Variants in ARHGAP6 observed in about 807,000 individuals in gnomAD.
ARHGAP6 encodes rho GTPase-activating protein 6.
Under a neutral mutation model 55.7 loss-of-function variants are expected in ARHGAP6, and 16 were observed. The ratio of observed to expected loss-of-function variants is 0.29; its 90% CI spans 0.19 to 0.44. The LOEUF is 0.44. Ranked by LOEUF, ARHGAP6 falls within the 20% of genes least tolerant of loss-of-function variation. The pLI, the probability that ARHGAP6 is intolerant of heterozygous loss-of-function variation, is 1.00. For missense variants in ARHGAP6, 698 were observed against 808.9 expected (o/e 0.86, Z 1.66); for synonymous variants, 382 against 360.9 (o/e 1.06, Z -0.66).
At chrX:11,498,842 C>T (rs2050649120) in intron 1 of ARHGAP6, among the ~76,000 whole-genome samples, 1 of 112,145 alleles carries the variant, frequency 8.9e-6, no homozygotes, top group African/African-American at 3.2e-5. Context: ...CCTCAATAAT[C>T]CTGTCCATGT....
intron 1 of ARHGAP6, among the ~76,000 whole-genome samples, chrX:11,496,349 T>A (rs1452577336): frequency 1.8e-5 from 2 of 112,365 alleles, no homozygotes; most frequent in Admixed American, 1.9e-4. Flanking sequence ...GTATATCCTA[T>A]CTTTTTGTGC....
chrX:11,621,137 A>G (rs1257560584), intron 1 of ARHGAP6, among the ~76,000 whole-genome samples: 1 of 111,630 alleles, frequency 9.0e-6, no homozygotes, highest in East Asian at 2.8e-4. Context: ...ATACAGAGAG[A>G]GAAAGTGGGT....
At chrX:11,566,433 C>T (rs1040629798) in intron 1 of ARHGAP6, among the ~76,000 whole-genome samples, 4 of 112,224 alleles carry the variant, frequency 3.6e-5, no homozygotes, top group African/African-American at 6.5e-5. Flanking sequence ...TGCTAATACA[C>T]ACTCTGCTTC....
At chrX:11,280,316 G>C (rs1569284115) in intron 1 of ARHGAP6, among the ~76,000 whole-genome samples, 1 of 111,265 alleles carries the variant, frequency 9.0e-6, no homozygotes. Flanking sequence ...GAGTCCATTT[G>C]GTGTATATTA....
At chrX:11,225,484 G>C (rs1243896144) in intron 2 of ARHGAP6, among the ~76,000 whole-genome samples, 1 of 110,483 alleles carries the variant, frequency 9.1e-6, no homozygotes, top group Non-Finnish European at 1.9e-5. Context: ...TGACTGATGA[G>C]AAAGATTATG....
intron 1 of ARHGAP6, among the ~76,000 whole-genome samples, chrX:11,541,851 T>A (rs1345817960): frequency 2.7e-5 from 3 of 112,533 alleles, no homozygotes; most frequent in Non-Finnish European, 5.6e-5. Flanking sequence ...GAGGATAACA[T>A]TGATTAATAT....
intron 1 of ARHGAP6, among the ~76,000 whole-genome samples, chrX:11,277,112 A>T (rs1461866505): frequency 9.0e-6 from 1 of 111,648 alleles, no homozygotes; most frequent in Non-Finnish European, 1.9e-5. Context: ...GACATTTAAT[A>T]TAAAAGTAGA....
chrX:11,153,197 T>C (rs1207718346), intron 10 of ARHGAP6, among the ~76,000 whole-genome samples: 1 of 111,532 alleles, frequency 9.0e-6, no homozygotes, highest in Non-Finnish European at 1.9e-5. Context: ...AGAAAGAGCA[T>C]TTTAACAAGA....
At chrX:11,274,202 A>G (rs1014869940) in intron 1 of ARHGAP6, among the ~76,000 whole-genome samples, 2 of 112,111 alleles carry the variant, frequency 1.8e-5, no homozygotes, top group Non-Finnish European at 3.8e-5. Flanking sequence ...CAAATATTCT[A>G]AAGTTTGTAA....
In ARHGAP6 at chrX:11,212,467, G is replaced by C. The variant is rs1167764986; in HGVS notation, c.749-15471C>G. Among the ~76,000 whole-genome samples, 3 of 112,432 alleles carry C rather than the reference G, an allele frequency of 2.7e-5. No homozygotes were observed. The East Asian group carries it at 8.4e-4, about 32-fold the overall frequency. ...CAGAGATTTTGTGAGGCAGTTGACG[G>C]TGATGTTATTCAGAAGTCCTTTTCT... is the stretch of plus-strand genomic sequence containing the variant. On this transcript the variant is annotated intron_variant, in intron 2 of 12. Transcript: ENST00000337414.
chrX:11,376,825 G>C (rs2049206524), intron 1 of ARHGAP6, among the ~76,000 whole-genome samples: 1 of 111,175 alleles, frequency 9.0e-6, no homozygotes, highest in Admixed American at 9.5e-5. Flanking sequence ...TATAAGCAAA[G>C]ACCATCAATT....
chrX:11,254,715 C>T lies in ARHGAP6; in HGVS notation c.589-8G>A. The T allele has an allele frequency of 1.1e-6, 1 of 918,894 alleles. No homozygotes were observed. Among genetic ancestry groups the T allele is most frequent in the Non-Finnish European group, 1.4e-6 (1 of 726,763 alleles). The allele number at this position is 918,894 out of a possible 1,213,427, so 75.7% of individuals were successfully genotyped here. ...GTTCCAGGTGAAATCACCCTGTAGGCCAAAAAAAAAAAAAAAAAAAAAATC... is the reference window on the plus strand; with the variant it reads ...GTTCCAGGTGAAATCACCCTGTAGGTCAAAAAAAAAAAAAAAAAAAAAATC... On this transcript the variant is annotated splice_region_variant and splice_polypyrimidine_tract_variant and intron_variant, in intron 1 of 12. Coordinates refer to ENST00000337414, the MANE Select transcript of ARHGAP6 (RefSeq NM_013427.3).
chrX:11,210,403 T>C (rs1488814165), intron 2 of ARHGAP6, among the ~76,000 whole-genome samples: 2 of 112,700 alleles, frequency 1.8e-5, no homozygotes. Context: ...GACTTTTTTT[T>C]CTAAGTTAAA....
chrX:11,625,681 A>T, intron 1 of ARHGAP6, among the ~76,000 whole-genome samples: 1 of 112,263 alleles, frequency 8.9e-6, no homozygotes. Flanking sequence ...AAAAGAGAAG[A>T]TTTGAAATGT....
chrX:11,486,647 G>A (rs1270814289), intron 1 of ARHGAP6, among the ~76,000 whole-genome samples: 2 of 111,876 alleles, frequency 1.8e-5, no homozygotes, highest in Non-Finnish European at 3.8e-5. Flanking sequence ...GGTGGGGCAG[G>A]AGTGGTGACT....
At chrX:11,467,928 T>C (rs1160532635) in intron 1 of ARHGAP6, among the ~76,000 whole-genome samples, 1 of 107,839 alleles carries the variant, frequency 9.3e-6, no homozygotes, top group Non-Finnish European at 1.9e-5. Flanking sequence ...TGCAGTGAGC[T>C]AAGATTGTGC....
intron 1 of ARHGAP6, among the ~76,000 whole-genome samples, chrX:11,314,366 TTC>T (rs2048331895): frequency 8.9e-6 from 1 of 112,019 alleles, no homozygotes; most frequent in African/African-American, 3.2e-5. Flanking sequence ...ATAACAGAAC[TTC>T]TGATGTCAAG....
At chrX:11,388,405 GTTT>G (rs796195887) in intron 1 of ARHGAP6, among the ~76,000 whole-genome samples, 2 of 111,689 alleles carry the variant, frequency 1.8e-5, no homozygotes, top group African/African-American at 6.5e-5. Context: ...GGGGTTGTTT[GTTT>G]TTTTCTTGTA....
intron 1 of ARHGAP6, among the ~76,000 whole-genome samples, chrX:11,389,582 T>C (rs1256826100): frequency 8.9e-6 from 1 of 112,431 alleles, no homozygotes; most frequent in Non-Finnish European, 1.9e-5. Flanking sequence ...CTTCTGAGCA[T>C]GCGTTATCAT....
Sources: gnomAD v4.1 joint callset for allele counts (sites outside exome capture counted in the v4.1 genomes callset) on GRCh38, gnomAD v4.1.1 for gene constraint, MANE v1.5 for transcripts, NCBI Gene and HGNC (gene_info 2026-07-23, HGNC 2026-07-21) for gene names.